REPS2: variants seen among roughly 807,000 people sequenced by gnomAD.
The protein encoded by REPS2 is ralBP1-associated Eps domain-containing protein 2.
In REPS2, 23 loss-of-function variants were observed where a neutral mutation model predicts 53.6. That is an observed-to-expected ratio of 0.43 (90% CI 0.31 to 0.61). REPS2 has a LOEUF of 0.61. Among genes scored for constraint, REPS2 ranks in the 20% least tolerant of loss-of-function variants. REPS2 has a pLI of 0.11. For synonymous variants in REPS2, 238 were observed against 218.6 expected (o/e 1.09, Z -0.78); for missense variants, 446 against 534.9 (o/e 0.83, Z 1.64).
At chrX:17,076,877 A>G (rs2062388673) in intron 12 of REPS2, among the ~76,000 whole-genome samples, 1 of 111,977 alleles carries the variant, frequency 8.9e-6, no homozygotes, top group African/African-American at 3.2e-5. Flanking sequence ...TTGCAAGTGA[A>G]CAGGAGAAAA....
intron 14 of REPS2, among the ~76,000 whole-genome samples, chrX:17,109,004 G>A (rs2062923432): frequency 9.2e-6 from 1 of 108,607 alleles, no homozygotes; most frequent in Non-Finnish European, 1.9e-5. Context: ...CAGAGAAACA[G>A]GCTTGCAAGA....
intron 14 of REPS2, among the ~76,000 whole-genome samples, chrX:17,109,670 G>T (rs1315959172): frequency 9.0e-6 from 1 of 111,248 alleles, no homozygotes; most frequent in East Asian, 2.8e-4. Context: ...GGTCCTGTGT[G>T]TACTACTGTG....
the REPS2 span, among the ~76,000 whole-genome samples, chrX:17,166,533 G>A: frequency 8.9e-6 from 1 of 112,475 alleles, no homozygotes; most frequent in African/African-American, 3.2e-5. Flanking sequence ...TGCAGCACTT[G>A]TAGTCATTCT....
At chrX:17,014,640 C>T (rs1487852438) in intron 2 of REPS2, among the ~76,000 whole-genome samples, 1 of 110,970 alleles carries the variant, frequency 9.0e-6, no homozygotes, top group Non-Finnish European at 1.9e-5. Flanking sequence ...ACATTATTGT[C>T]ATAATTCTTT....
chrX:17,108,876 G>A (rs1348911812), intron 14 of REPS2, among the ~76,000 whole-genome samples: 1 of 109,558 alleles, frequency 9.1e-6, no homozygotes, highest in Non-Finnish European at 1.9e-5. Context: ...TCATGGAAGG[G>A]GTGAGATGAC....
At chrX:17,093,198 ATAAT>A (rs1278175750) in intron 13 of REPS2, among the ~76,000 whole-genome samples, 1,144 of 12,913 alleles carry the variant, frequency 0.089, 49 homozygotes, top group East Asian at 0.43. Flanking sequence ...ATATATATAT[ATAAT>A]TTTTTTTTTG....
intron 8 of REPS2, among the ~76,000 whole-genome samples, chrX:17,055,621 T>A (rs910713311): frequency 1.9e-5 from 2 of 106,314 alleles, no homozygotes; most frequent in African/African-American, 6.9e-5. Flanking sequence ...CCTTTCCCCA[T>A]TGCTTGTTTT....
chrX:17,097,251 C>T lies in REPS2; in HGVS notation c.1517-6467C>T, dbSNP rs551132540. 3.9e-4 allele frequency among the ~76,000 whole-genome samples: 43 copies of T among 111,679 alleles called. No individual in the cohort carries two copies. In the South Asian group the frequency reaches 0.016, roughly 42 times the overall value. ...ATAGCTGTCAATTTAGAATTCTATACCCAATTAAATCCTCTTTCAAGAGGG... is the reference window on the plus strand; with the variant it reads ...ATAGCTGTCAATTTAGAATTCTATATCCAATTAAATCCTCTTTCAAGAGGG... On this transcript the variant is annotated intron_variant, in intron 13 of 17. Coordinates refer to ENST00000357277, the MANE Select transcript of REPS2 (RefSeq NM_004726.3).
intron 1 of REPS2, among the ~76,000 whole-genome samples, chrX:16,973,225 T>C (rs2060916130): frequency 8.9e-6 from 1 of 112,248 alleles, no homozygotes; most frequent in African/African-American, 3.2e-5. Flanking sequence ...GTCTTGTTAC[T>C]GGTGACATTT....
downstream of REPS2, among the ~76,000 whole-genome samples, chrX:17,155,969 C>G (rs1372276059): frequency 2.7e-5 from 3 of 111,736 alleles, no homozygotes; most frequent in African/African-American, 6.5e-5. Context: ...GGAAATGAAG[C>G]TGAAATATAC....
intron 1 of REPS2, among the ~76,000 whole-genome samples, chrX:16,966,149 T>G (rs768657178): frequency 1.7e-4 from 19 of 111,304 alleles, no homozygotes; most frequent in African/African-American, 5.9e-4. Context: ...GCTGGGCAAT[T>G]TCTTAGAGCA....
intron 1 of REPS2, among the ~76,000 whole-genome samples, chrX:16,958,595 A>G (rs755909372): frequency 8.9e-6 from 1 of 112,136 alleles, no homozygotes; most frequent in Admixed American, 9.5e-5. Context: ...CTCTACAGGA[A>G]CAATAGTCAT....
At chrX:17,113,882 G>T (rs1001294521) in intron 14 of REPS2, among the ~76,000 whole-genome samples, 1 of 111,887 alleles carries the variant, frequency 8.9e-6, no homozygotes, top group African/African-American at 3.2e-5. Context: ...GAAAGGAAAA[G>T]TTCTATGATG....
At chrX:17,046,985 A>G (rs996349180) in intron 5 of REPS2, among the ~76,000 whole-genome samples, 1 of 112,641 alleles carries the variant, frequency 8.9e-6, no homozygotes, top group East Asian at 2.8e-4. Context: ...AAGAATCCAG[A>G]TTATTTTACT....
intron 17 of REPS2, 37 bp downstream of exon 17, chrX:17,138,998 T>C (rs755245968): frequency 1.1e-6 from 1 of 940,136 alleles, no homozygotes; most frequent in East Asian, 3.2e-5. Context: ...GACCAGGCTT[T>C]TCCCTGGCTT....
rs2060429692 is a variant in REPS2, at chrX:16,946,667, G to A, written c.-195G>A. 8 of 287,088 alleles carry A rather than the reference G, an allele frequency of 2.8e-5. No homozygotes were observed. The highest frequency in any genetic ancestry group is 3.7e-5 in the Non-Finnish European group (8 of 216,419). 23.7% of individuals were successfully genotyped at this position (287,088 alleles called of 1,213,427 possible). ...CGCGCAGCTGAGGCACAACATTCAA[G>A]CCCGGGGGTGGGGCCGGCGCGCGCC... On this transcript the variant is annotated 5_prime_UTR_variant, in exon 1 of 18. Transcript: ENST00000357277.
At chrX:17,034,550 A>T (rs866374833) in intron 5 of REPS2, among the ~76,000 whole-genome samples, 1 of 111,165 alleles carries the variant, frequency 9.0e-6, no homozygotes, top group Non-Finnish European at 1.9e-5. Context: ...CCCGCCTCGG[A>T]CTCCCAAAGT....
At chrX:17,048,042 T>A (rs1300859627) in intron 6 of REPS2, among the ~76,000 whole-genome samples, 2 of 112,690 alleles carry the variant, frequency 1.8e-5, no homozygotes, top group Non-Finnish European at 3.7e-5. Flanking sequence ...CATGTAAAAT[T>A]CAAGCTCAGA....
intron 11 of REPS2, among the ~76,000 whole-genome samples, chrX:17,073,183 A>T (rs2062332332): frequency 8.9e-6 from 1 of 112,493 alleles, no homozygotes; most frequent in African/African-American, 3.2e-5. Flanking sequence ...GTAAAAGAGG[A>T]TGAGATAATG....
Sources: gnomAD v4.1 joint callset for allele counts (sites outside exome capture counted in the v4.1 genomes callset) on GRCh38, gnomAD v4.1.1 for gene constraint, MANE v1.5 for transcripts, NCBI Gene and HGNC (gene_info 2026-07-23, HGNC 2026-07-21) for gene names.